Variants in ZFAT observed in about 807,000 individuals in gnomAD.
The protein encoded by ZFAT is zinc finger protein ZFAT.
In ZFAT, 64 loss-of-function variants were observed where a neutral mutation model predicts 117.7. That is an observed-to-expected ratio of 0.54 (90% confidence interval 0.44 to 0.67). The LOEUF is 0.67. ZFAT is among the 30% of genes least tolerant of loss of function. The pLI is 0.00. For synonymous variants in ZFAT, 679 were observed against 615.0 expected (o/e 1.10, Z -1.54); for missense variants, 1,433 against 1,584.5 (o/e 0.90, Z 1.62).
At chr8:134,642,475 G>A (rs890009664) in intron 2 of ZFAT, among the ~76,000 whole-genome samples, 1 of 152,132 alleles carries the variant, frequency 6.6e-6, no homozygotes, top group African/African-American at 2.4e-5. Flanking sequence ...AATGGCAACT[G>A]TTTAATATTA....
At chr8:134,643,107 T>C (rs535815186) in intron 2 of ZFAT, among the ~76,000 whole-genome samples, 1 of 152,358 alleles carries the variant, frequency 6.6e-6, no homozygotes, top group East Asian at 1.9e-4. Flanking sequence ...TGCTAAGCAC[T>C]TCACATGCAC....
chr8:134,601,180 T>C (rs572682704), intron 6 of ZFAT, among the ~76,000 whole-genome samples: 2 of 152,300 alleles, frequency 1.3e-5, no homozygotes, highest in African/African-American at 4.8e-5. Flanking sequence ...AACTTTAAAC[T>C]TGTCATGTGC....
intron 1 of ZFAT, among the ~76,000 whole-genome samples, chr8:134,693,236 G>C (rs1485753703): frequency 6.6e-6 from 1 of 152,172 alleles, no homozygotes; most frequent in African/African-American, 2.4e-5. Context: ...AGCTGGAACA[G>C]GGAAAGCAGA....
chr8:134,799,918 T>C, the ZFAT span, among the ~76,000 whole-genome samples: 1 of 152,214 alleles, frequency 6.6e-6, no homozygotes, highest in Non-Finnish European at 1.5e-5. Flanking sequence ...TGACAGGTAC[T>C]GTACTAATGA....
the ZFAT span, among the ~76,000 whole-genome samples, chr8:134,798,914 G>A: frequency 6.6e-6 from 1 of 152,010 alleles, no homozygotes; most frequent in African/African-American, 2.4e-5. Flanking sequence ...CTTAATTTGG[G>A]AGAAAAACAC....
chr8:134,579,719 G>A (rs574906712), intron 10 of ZFAT, among the ~76,000 whole-genome samples: 101 of 152,252 alleles, frequency 6.6e-4, no homozygotes, highest in Non-Finnish European at 1.1e-3. Context: ...GGGAGGCCAC[G>A]GCAGACAGAT....
intron 1 of ZFAT, among the ~76,000 whole-genome samples, chr8:134,700,738 C>T (rs1563774347): frequency 6.6e-6 from 1 of 152,196 alleles, no homozygotes; most frequent in African/African-American, 2.4e-5. Context: ...GGTCACTCTG[C>T]TCAAACATCA....
Position 134,478,810 on chromosome 8 carries a change from C to T in ZFAT, c.3493-89G>A. On this transcript the variant is annotated intron_variant, in intron 15 of 15. Transcript: ENST00000377838. The surrounding 1 kb of genome is among the most constrained non-coding windows in gnomAD (Gnocchi z 5.2). Reference sequence around the variant, plus strand: ...AGTCACAACTACAGTTTAGGAGGCACCAGTGCGCTGCGGGAGCACGTCCAT... The same window carrying T: ...AGTCACAACTACAGTTTAGGAGGCATCAGTGCGCTGCGGGAGCACGTCCAT... 1.3e-6 allele frequency: 2 copies of T among 1,487,400 alleles called. No homozygotes were observed. Among genetic ancestry groups the T allele is most frequent in the East Asian group, 2.5e-5 (1 of 40,236 alleles). 92.1% of individuals were successfully genotyped at this position (1,487,400 alleles called of 1,614,324 possible).
chr8:134,677,625 G>A (rs983597460), intron 1 of ZFAT, among the ~76,000 whole-genome samples: 1 of 152,054 alleles, frequency 6.6e-6, no homozygotes, highest in Non-Finnish European at 1.5e-5. Flanking sequence ...CCAAAACCTA[G>A]CAGAGACAAA....
intron 15 of ZFAT, among the ~76,000 whole-genome samples, chr8:134,499,583 G>C (rs1818802521): frequency 6.6e-6 from 1 of 150,716 alleles, no homozygotes; most frequent in Non-Finnish European, 1.5e-5. Context: ...GGATGCCCCC[G>C]CTGCTGGTTA....
At chr8:134,611,148 G>A (rs539123186) in intron 3 of ZFAT, among the ~76,000 whole-genome samples, 1 of 152,358 alleles carries the variant, frequency 6.6e-6, no homozygotes, top group Non-Finnish European at 1.5e-5. Context: ...CATGCAAACA[G>A]CACAGGCAGT....
chr8:134,586,165 A>G (rs1826054942), intron 9 of ZFAT, among the ~76,000 whole-genome samples: 2 of 152,092 alleles, frequency 1.3e-5, no homozygotes, highest in Admixed American at 1.3e-4. Context: ...ATTAGAGAGG[A>G]AAAAAAAGAT....
At chr8:134,661,042 T>C (rs1459660356) in intron 1 of ZFAT, among the ~76,000 whole-genome samples, 1 of 152,178 alleles carries the variant, frequency 6.6e-6, no homozygotes, top group African/African-American at 2.4e-5. Flanking sequence ...CCTGGAACGA[T>C]TCTCACATCA....
chr8:134,775,746 TG>T, the ZFAT span, among the ~76,000 whole-genome samples: 1 of 152,200 alleles, frequency 6.6e-6, no homozygotes, highest in Non-Finnish European at 1.5e-5. Context: ...CCAGGTTTTT[TG>T]GTTGTCTTAT....
In ZFAT at chr8:134,478,672, G is replaced by C; in HGVS notation, c.3542C>G (p.Thr1181Arg). 1 of 1,581,642 alleles carries C rather than the reference G, an allele frequency of 6.3e-7. No homozygotes were observed. The highest frequency in any genetic ancestry group is 1.2e-5 in the South Asian group (1 of 85,966). Reference protein sequence around the residue: ...SSNHTVMIQETVQQASVELAE... With the variant: ...SSNHTVMIQERVQQASVELAE... ...AAGCTCCACGGACGCTTGCTGGACC[G>C]TCTCCTGGATCATGACCGTGTGGTT... Residue 1181 changes from threonine (T) to arginine (R), a missense_variant, in exon 16 of 16, where the codon ACG becomes AGG. Around this residue, in one of 5 missense-constraint regions of ZFAT, gnomAD observed 503 missense variants for 543.4 expected, o/e 0.93. Transcript: ENST00000377838. The surrounding 1 kb of genome is among the most constrained non-coding windows in gnomAD (Gnocchi z 5.2).
chr8:134,715,831 CAAT>C (rs937283383), upstream of ZFAT, among the ~76,000 whole-genome samples: 5 of 152,118 alleles, frequency 3.3e-5, no homozygotes, highest in African/African-American at 9.6e-5. Flanking sequence ...ATATTCGTGT[CAAT>C]AATTTTATCA....
chr8:134,822,190 T>C, the ZFAT span, among the ~76,000 whole-genome samples: 3 of 152,162 alleles, frequency 2.0e-5, no homozygotes, highest in Admixed American at 2.0e-4. Flanking sequence ...TAAGAGTTAG[T>C]GTTCAAATTA....
chr8:134,610,932 A>T (rs114222734), intron 3 of ZFAT, among the ~76,000 whole-genome samples: 2 of 152,240 alleles, frequency 1.3e-5, no homozygotes, highest in Non-Finnish European at 1.5e-5. Context: ...TCTTGTCTTC[A>T]TGAGGCCTAG....
At chr8:134,483,874 G>A (rs116689130) in intron 15 of ZFAT, among the ~76,000 whole-genome samples, 3,107 of 152,230 alleles carry the variant, frequency 0.02, 102 homozygotes, top group African/African-American at 0.068. Context: ...TTAACCCATC[G>A]TCATCCATTC....
Sources: gnomAD v4.1 joint callset for allele counts (sites outside exome capture counted in the v4.1 genomes callset) on GRCh38, gnomAD v4.1.1 for gene constraint, gnomAD v4.1.1 regional missense constraint, Gnocchi (gnomAD v3.1) non-coding constraint, MANE v1.5 for transcripts, NCBI Gene and HGNC (gene_info 2026-07-23, HGNC 2026-07-21) for gene names.